Variants in UNC5D observed in about 807,000 individuals in gnomAD.
UNC5D encodes the protein unc-5 netrin receptor D, also known as netrin receptor UNC5D.
A neutral mutation model predicts 105.4 loss-of-function variants in UNC5D; 39 were observed. The ratio of observed to expected loss-of-function variants is 0.37; its 90% confidence interval spans 0.29 to 0.48. The LOEUF is 0.48. Ranked by LOEUF, UNC5D falls within the 20% of genes least tolerant of loss-of-function variation. The pLI is 0.98. For synonymous variants in UNC5D, 452 were observed against 450.4 expected (o/e 1.00, Z -0.04); for missense variants, 991 against 1,202.4 (o/e 0.82, Z 2.60).
chr8:35,409,846 T>C (rs1563389862), intron 1 of UNC5D, among the ~76,000 whole-genome samples: 1 of 152,044 alleles, frequency 6.6e-6, no homozygotes, highest in African/African-American at 2.4e-5. Context: ...TAAAGAAATA[T>C]TATAGATTTA....
chr8:35,607,016 T>C (rs1397196808), intron 4 of UNC5D, among the ~76,000 whole-genome samples: 1 of 152,172 alleles, frequency 6.6e-6, no homozygotes, highest in African/African-American at 2.4e-5. Flanking sequence ...TACCTGTTTC[T>C]TGCCCCAGCA....
chr8:35,305,596 T>TCTTTCTTTCTTTC, intron 1 of UNC5D, among the ~76,000 whole-genome samples: 1 of 131,878 alleles, frequency 7.6e-6, no homozygotes, highest in Non-Finnish European at 1.6e-5. Flanking sequence ...TTTCTTTCTT[T>TCTTTCTTTCTTTC]CTTTCTTTCT....
intron 1 of UNC5D, among the ~76,000 whole-genome samples, chr8:35,296,149 T>A (rs1350727782): frequency 6.6e-6 from 1 of 152,196 alleles, no homozygotes; most frequent in Non-Finnish European, 1.5e-5. Context: ...CTCTTTGAGT[T>A]ATTCCTTTTG....
intron 1 of UNC5D, chr8:35,525,154 A>C: frequency 6.2e-7 from 1 of 1,607,514 alleles, no homozygotes; most frequent in African/African-American, 1.4e-5. Flanking sequence ...GGATGCTGGA[A>C]GAGTCCTCCA....
At chr8:35,703,480 A>G (rs1827345032) in intron 7 of UNC5D, among the ~76,000 whole-genome samples, 2 of 152,224 alleles carry the variant, frequency 1.3e-5, no homozygotes, top group African/African-American at 4.8e-5. Flanking sequence ...AAGCTAGGTT[A>G]GAGGGGGAAG....
intron 1 of UNC5D, among the ~76,000 whole-genome samples, chr8:35,363,450 A>C (rs1381644220): frequency 6.6e-6 from 1 of 152,164 alleles, no homozygotes; most frequent in Admixed American, 6.5e-5. Flanking sequence ...GAATTATGGG[A>C]GTACAATTCA....
chr8:35,386,593 C>T lies in UNC5D; in HGVS notation c.103+150706C>T, dbSNP rs545361758. Among the ~76,000 whole-genome samples the T allele has an allele frequency of 1.1e-4, 17 of 152,346 alleles. No homozygotes were observed. The East Asian group carries it at 2.3e-3, about 21-fold the overall frequency. On this transcript the variant is annotated intron_variant, in intron 1 of 16. Transcript: ENST00000404895. ...TGTATTGTTAACCAAACTCTGCCTG[C>T]ACTGGGTGCACGGAATCTCTGACCT...
intron 2 of UNC5D, among the ~76,000 whole-genome samples, chr8:35,559,080 G>C (rs192044419): frequency 6.6e-6 from 1 of 152,210 alleles, no homozygotes; most frequent in East Asian, 1.9e-4. Flanking sequence ...TCATGAAGTT[G>C]TACTGGAGTA....
chr8:35,748,704 C>T lies in UNC5D; in HGVS notation c.1935+9C>T, dbSNP rs1425125802. The T allele has an allele frequency of 7.5e-6, 12 of 1,609,780 alleles. No individual in the cohort carries two copies. The highest frequency in any genetic ancestry group is 1.0e-5 in the Non-Finnish European group (12 of 1,178,516). The stretch of plus-strand genomic sequence containing the variant: ...AGCAGGGCAAATGGGAGGTGAGACC[C>T]TTTACTTCCTTTTTTAAACAGTGGG... On this transcript the variant is annotated intron_variant, in intron 12 of 16. Coordinates refer to ENST00000404895, the MANE Select transcript of UNC5D (RefSeq NM_080872.4).
intron 1 of UNC5D, among the ~76,000 whole-genome samples, chr8:35,421,800 G>A (rs1000919276): frequency 6.6e-6 from 1 of 152,008 alleles, no homozygotes; most frequent in African/African-American, 2.4e-5. Context: ...ATTACTCTTG[G>A]CTAGTCTAAA....
At position 35,790,492 on chromosome 8, in the gene UNC5D, A is replaced by G. The variant is rs978039362; in HGVS notation, c.2791A>G (p.Lys931Glu). Residue 931 changes from lysine to glutamate, a missense_variant, in exon 17 of 17, where the codon AAA becomes GAA. Physicochemically the swap from Lys to Glu is moderately conservative, Grantham distance 56. Coordinates refer to ENST00000404895, the MANE Select transcript of UNC5D (RefSeq NM_080872.4). ...ALEEIGRTHT[K>E]LSNISESQLD... ...TGAAGAGATTGGGAGGACACACACG[A>G]AACTCTCAAACATTTCAGAATCCCA... 4 of 1,613,834 alleles carry G rather than the reference A, an allele frequency of 2.5e-6. No individual in the cohort carries two copies. The highest frequency in any genetic ancestry group is 1.3e-5 in the African/African-American group (1 of 74,928).
chr8:35,457,936 A>G (rs1423151282), intron 1 of UNC5D, among the ~76,000 whole-genome samples: 3 of 152,198 alleles, frequency 2.0e-5, no homozygotes, highest in Non-Finnish European at 4.4e-5. Flanking sequence ...CAAGAATCTC[A>G]TGAAAGGCTG....
chr8:35,390,608 A>G (rs1803711328), intron 1 of UNC5D, among the ~76,000 whole-genome samples: 1 of 152,240 alleles, frequency 6.6e-6, no homozygotes, highest in African/African-American at 2.4e-5. Context: ...CTTTGTGTTA[A>G]GTAAACACAA....
At chr8:35,539,786 G>C (rs1815136046) in intron 1 of UNC5D, among the ~76,000 whole-genome samples, 1 of 152,154 alleles carries the variant, frequency 6.6e-6, no homozygotes, top group Admixed American at 6.5e-5. Flanking sequence ...GATTTTATGT[G>C]ACCTGACATC....
intron 1 of UNC5D, among the ~76,000 whole-genome samples, chr8:35,440,113 C>T (rs1228934540): frequency 1.3e-5 from 2 of 152,116 alleles, no homozygotes; most frequent in Non-Finnish European, 2.9e-5. Context: ...ACGCTGGTGA[C>T]CTGTATTGCC....
chr8:35,420,620 C>A (rs1003389487), intron 1 of UNC5D, among the ~76,000 whole-genome samples: 17 of 152,168 alleles, frequency 1.1e-4, no homozygotes, highest in African/African-American at 4.1e-4. Context: ...CCAGTTCCCT[C>A]TAGGAAGCCA....
At chr8:35,273,472 C>A (rs1468981391) in intron 1 of UNC5D, among the ~76,000 whole-genome samples, 1 of 152,178 alleles carries the variant, frequency 6.6e-6, no homozygotes, top group African/African-American at 2.4e-5. Context: ...GATGAAAAAG[C>A]TTACAGCAAG....
chr8:35,603,046 T>A (rs1430488402), intron 4 of UNC5D, among the ~76,000 whole-genome samples: 1 of 152,092 alleles, frequency 6.6e-6, no homozygotes, highest in Admixed American at 6.6e-5. Flanking sequence ...TCTATTTCCT[T>A]CAGTTCTGCT....
intron 4 of UNC5D, among the ~76,000 whole-genome samples, chr8:35,623,566 T>G (rs1821497997): frequency 1.3e-5 from 2 of 152,202 alleles, no homozygotes; most frequent in South Asian, 4.2e-4. Flanking sequence ...GGGCCGCGAG[T>G]GGCTCCCAGA....
Sources: gnomAD v4.1 joint callset for allele counts (sites outside exome capture counted in the v4.1 genomes callset) on GRCh38, gnomAD v4.1.1 for gene constraint, MANE v1.5 for transcripts, NCBI Gene and HGNC (gene_info 2026-07-23, HGNC 2026-07-21) for gene names.